The following DIP2B variants were observed in gnomAD, a reference collection of about 807,000 sequenced individuals.
DIP2B encodes the protein disco-interacting protein 2 homolog B.
DIP2B carries 76 observed loss-of-function variants against 198.0 expected under a neutral mutation model. The observed-to-expected ratio is 0.38, with a 90% CI of 0.32 to 0.46. The LOEUF (loss-of-function observed/expected upper bound fraction) is 0.46, where lower values mean the gene tolerates loss of function less well. DIP2B is among the 20% of genes least tolerant of loss of function. DIP2B has a pLI of 0.99. For synonymous variants in DIP2B, 701 were observed against 739.1 expected, an observed-to-expected ratio of 0.95 and a Z score of 0.84; for missense variants, 1,559 against 1,978.4, an observed-to-expected ratio of 0.79 and a Z score of 4.02.
chr12:50,529,276 A>G (rs1205530286), intron 1 of DIP2B, among the ~76,000 whole-genome samples: 2 of 152,218 alleles, frequency 1.3e-5, no homozygotes, highest in Non-Finnish European at 2.9e-5. Flanking sequence ...TGTACGACAG[A>G]GTAAGACCCT....
chr12:50,732,584 G>T, intron 32 of DIP2B, 48 bp downstream of exon 32: 1 of 1,601,318 alleles, frequency 6.2e-7, no homozygotes, highest in South Asian at 1.1e-5. Flanking sequence ...GAGGAATATG[G>T]AGTATCCCAG....
At chr12:50,627,590 G>C (rs921988441) in intron 2 of DIP2B, among the ~76,000 whole-genome samples, 4 of 152,196 alleles carry the variant, frequency 2.6e-5, no homozygotes, top group Non-Finnish European at 5.9e-5. Context: ...CAGCCTCCCA[G>C]AGTGTGGGGG....
intron 7 of DIP2B, among the ~76,000 whole-genome samples, chr12:50,676,744 T>C (rs1018760974): frequency 1.3e-5 from 2 of 152,248 alleles, no homozygotes; most frequent in Non-Finnish European, 2.9e-5. Flanking sequence ...AGAATCTGCA[T>C]TGAAGCCTAA....
chr12:50,686,157 C>T (rs1939126961), intron 11 of DIP2B, among the ~76,000 whole-genome samples: 1 of 152,180 alleles, frequency 6.6e-6, no homozygotes, highest in South Asian at 2.1e-4. Flanking sequence ...TGCCCAAAGT[C>T]ACAGCTAATA....
At chr12:50,540,910 C>A (rs530438428) in intron 1 of DIP2B, among the ~76,000 whole-genome samples, 1 of 151,978 alleles carries the variant, frequency 6.6e-6, no homozygotes, top group Non-Finnish European at 1.5e-5. Context: ...TTTAAGATGC[C>A]TATATAGCAG....
At chr12:50,547,252 T>C (rs1305385647) in intron 1 of DIP2B, among the ~76,000 whole-genome samples, 1 of 152,212 alleles carries the variant, frequency 6.6e-6, no homozygotes, top group East Asian at 1.9e-4. Flanking sequence ...CAGTGAAATA[T>C]TTCTGGGAAG....
intron 1 of DIP2B, among the ~76,000 whole-genome samples, chr12:50,515,336 C>T (rs1958054692): frequency 6.6e-6 from 1 of 150,802 alleles, no homozygotes; most frequent in Non-Finnish European, 1.5e-5. Context: ...CGGGTTAAAA[C>T]AATTCTGCCT....
intron 25 of DIP2B, among the ~76,000 whole-genome samples, chr12:50,720,880 T>TTTGA (rs1939823552): frequency 6.6e-6 from 1 of 152,244 alleles, no homozygotes; most frequent in Non-Finnish European, 1.5e-5. Flanking sequence ...AATCTCGCTC[T>TTTGA]GTCGCCCAGG....
chr12:50,621,588 G>A (rs1464365857), intron 1 of DIP2B, among the ~76,000 whole-genome samples: 1 of 152,180 alleles, frequency 6.6e-6, no homozygotes, highest in African/African-American at 2.4e-5. Flanking sequence ...CACAATCCCT[G>A]CCCTCAAGTG....
rs575539432 is a variant in DIP2B at position 50,699,159 on chromosome 12, T to C, written c.2282T>C (p.Met761Thr). 2.1e-5 allele frequency: 34 copies of C among 1,614,210 alleles called. No individual in the cohort carries two copies. In the Admixed American group the frequency reaches 5.7e-4, roughly 27 times the overall value. ...TGTGTTAGCTCCAGAACTGGAGGCATGATGTACTTTGGGCTTGCTGGTGTG... is the reference window on the plus strand; with the variant it reads ...TGTGTTAGCTCCAGAACTGGAGGCACGATGTACTTTGGGCTTGCTGGTGTG... ...EICVSSRTGG[M>T]MYFGLAGVTK... is the part of the protein sequence containing the mutation. Residue 761 changes from methionine to threonine, a missense_variant, in exon 19 of 38, where the codon ATG (methionine) becomes ACG (threonine). Met to Thr is a moderately conservative substitution (Grantham distance 81, BLOSUM62 -1). Coordinates refer to ENST00000301180, the MANE Select transcript of DIP2B (RefSeq NM_173602.3).
intron 1 of DIP2B, among the ~76,000 whole-genome samples, chr12:50,511,377 C>T (rs1294609573): frequency 3.5e-5 from 5 of 144,092 alleles, no homozygotes; most frequent in Non-Finnish European, 4.5e-5. Flanking sequence ...CCACAACCCC[C>T]GCCTTCCGGG....
chr12:50,553,825 T>A (rs1441485310), intron 1 of DIP2B, among the ~76,000 whole-genome samples: 2 of 152,070 alleles, frequency 1.3e-5, no homozygotes, highest in African/African-American at 2.4e-5. Context: ...GCTAATTTTT[T>A]AAATTTTTTG....
At chr12:50,734,104 C>G in intron 32 of DIP2B, 31 bp from the exon 33 acceptor site, 1 of 1,611,680 alleles carries the variant, frequency 6.2e-7, no homozygotes, top group Non-Finnish European at 8.5e-7. Flanking sequence ...TATCGAAATT[C>G]TAAACAACGC....
intron 4 of DIP2B, among the ~76,000 whole-genome samples, chr12:50,670,982 C>A (rs1188548411): frequency 1.3e-5 from 2 of 152,028 alleles, no homozygotes; most frequent in Non-Finnish European, 2.9e-5. Context: ...TAAAAATTAC[C>A]TATGGAGTTA....
chr12:50,554,969 G>T (rs773784171), intron 1 of DIP2B, among the ~76,000 whole-genome samples: 97 of 149,048 alleles, frequency 6.5e-4, no homozygotes, highest in South Asian at 1.1e-3. Flanking sequence ...GGGTTTCACC[G>T]TGTTGGCCAG....
At chr12:50,685,414 C>G (rs1939115490) in intron 10 of DIP2B, among the ~76,000 whole-genome samples, 1 of 152,174 alleles carries the variant, frequency 6.6e-6, no homozygotes, top group Middle Eastern at 3.2e-3. Flanking sequence ...TCATTGTCAG[C>G]TTGGACATTT....
At chr12:50,642,716 G>A (rs1353588463) in intron 3 of DIP2B, among the ~76,000 whole-genome samples, 1 of 152,200 alleles carries the variant, frequency 6.6e-6, no homozygotes, top group African/African-American at 2.4e-5. Context: ...GTGAACCTGG[G>A]AGGCAGAGCT....
At position 50,567,419 on chromosome 12, in the gene DIP2B, A is replaced by G. The variant is rs528074677; in HGVS notation, c.101-58557A>G. ...ACTGCCACAAACTACAGAACTGTAC[A>G]TCATCCATTTATAGCTTTTTCATAG... is the stretch of plus-strand genomic sequence containing the variant. On this transcript the variant is annotated intron_variant, in intron 1 of 37. Coordinates refer to ENST00000301180, the MANE Select transcript of DIP2B (RefSeq NM_173602.3). Among the ~76,000 whole-genome samples, 8 of 152,362 alleles carry G rather than the reference A, an allele frequency of 5.3e-5. No homozygotes were observed. In the South Asian group the frequency reaches 1.7e-3, roughly 32 times the overall value.
Position 50,698,453 on chromosome 12 carries a change from A to T in DIP2B, c.2174A>T (p.His725Leu). Residue 725 changes from histidine (H) to leucine (L), a missense_variant, in exon 18 of 38, where the codon CAT becomes CTT. By Grantham distance (99) the His-to-Leu change is moderately conservative. Transcript: ENST00000301180. The part of the protein sequence containing the change: ...NSALTVQDVG[H>L]VMPGGMMCIV... ...GCACTGACGGTCCAGGATGTAGGGCATGTAATGCCTGGTGGTGAGTCGCAA... is the reference window on the plus strand; with the variant it reads ...GCACTGACGGTCCAGGATGTAGGGCTTGTAATGCCTGGTGGTGAGTCGCAA... The T allele has an allele frequency of 4.3e-6, 7 of 1,613,422 alleles. No homozygotes were observed. The highest frequency in any genetic ancestry group is 5.9e-6 in the Non-Finnish European group (7 of 1,179,636).
Sources: allele counts gnomAD v4.1 joint callset (sites outside exome capture counted in the v4.1 genomes callset), GRCh38; gene constraint gnomAD v4.1.1; transcripts MANE v1.5; gene names NCBI Gene and HGNC (gene_info 2026-07-23, HGNC 2026-07-21).